The following GPC6 variants were observed in gnomAD, a reference collection of about 807,000 sequenced individuals.
The protein encoded by GPC6 is glypican-6.
GPC6 carries 14 observed loss-of-function variants against 55.2 expected under a neutral mutation model. That is an observed-to-expected ratio of 0.25 (90% CI 0.17 to 0.40). GPC6 has a LOEUF of 0.40. Among genes scored for constraint, GPC6 ranks in the 10% least tolerant of loss-of-function variants. GPC6 has a pLI of 1.00. For synonymous variants in GPC6, 278 were observed against 259.6 expected, an observed-to-expected ratio of 1.07 and a Z score of -0.68; for missense variants, 641 against 708.5, an observed-to-expected ratio of 0.90 and a Z score of 1.08.
chr13:93,843,501 C>T (rs927439942), intron 3 of GPC6, among the ~76,000 whole-genome samples: 1 of 152,134 alleles, frequency 6.6e-6, no homozygotes, highest in African/African-American at 2.4e-5. Context: ...ACAATACCTT[C>T]CATTGGGCCC....
At chr13:94,369,769 C>T (rs1363732787) in intron 6 of GPC6, among the ~76,000 whole-genome samples, 1 of 152,034 alleles carries the variant, frequency 6.6e-6, no homozygotes, top group South Asian at 2.1e-4. Flanking sequence ...TGGGGGTAAT[C>T]GGGTCAAGGA....
intron 2 of GPC6, among the ~76,000 whole-genome samples, chr13:93,664,946 C>G (rs1881075255): frequency 6.6e-6 from 1 of 152,144 alleles, no homozygotes; most frequent in South Asian, 2.1e-4. Context: ...ACAATTTAAA[C>G]AGTTGTTATT....
At chr13:93,925,057 C>G (rs1877781607) in intron 3 of GPC6, among the ~76,000 whole-genome samples, 1 of 152,144 alleles carries the variant, frequency 6.6e-6, no homozygotes. Flanking sequence ...ATTTATTACA[C>G]AAATATTACA....
intron 1 of GPC6, among the ~76,000 whole-genome samples, chr13:93,511,847 A>C (rs1282950667): frequency 6.6e-6 from 1 of 151,768 alleles, no homozygotes; most frequent in Admixed American, 6.6e-5. Context: ...AATTTCTTTC[A>C]CCCAAGTTTT....
chr13:93,402,358 G>C (rs1876123728), intron 1 of GPC6, among the ~76,000 whole-genome samples: 1 of 152,140 alleles, frequency 6.6e-6, no homozygotes, highest in Non-Finnish European at 1.5e-5. Context: ...CTCAGTGTTT[G>C]TAGCACGCCA....
chr13:94,277,179 A>G (rs1892241814), intron 4 of GPC6, among the ~76,000 whole-genome samples: 2 of 152,240 alleles, frequency 1.3e-5, no homozygotes, highest in South Asian at 4.1e-4. Context: ...GCATTTCTAT[A>G]ATGATCAGTG....
intron 1 of GPC6, among the ~76,000 whole-genome samples, chr13:93,242,588 C>G (rs944871837): frequency 2.0e-5 from 3 of 152,158 alleles, no homozygotes; most frequent in Admixed American, 1.3e-4. Flanking sequence ...GAAGTCCCCT[C>G]TACGTCACTT....
chr13:93,359,587 G>A (rs1460182027), intron 1 of GPC6, among the ~76,000 whole-genome samples: 2 of 152,152 alleles, frequency 1.3e-5, no homozygotes, highest in East Asian at 3.8e-4. Flanking sequence ...TTAAAACTGT[G>A]ATTTTTCTGG....
chr13:93,779,228 G>A (rs1002778881), intron 2 of GPC6, among the ~76,000 whole-genome samples: 18 of 152,032 alleles, frequency 1.2e-4, no homozygotes, highest in Admixed American at 1.3e-4. Context: ...TTAGTATTGC[G>A]GCTACCAGTG....
intron 2 of GPC6, among the ~76,000 whole-genome samples, chr13:93,632,800 A>G (rs1259669883): frequency 2.0e-5 from 3 of 151,932 alleles, no homozygotes; most frequent in East Asian, 1.9e-4. Flanking sequence ...TCCAAAACGC[A>G]TGTCAAATTA....
chr13:94,122,401 A>AT (rs1566434494), intron 4 of GPC6, among the ~76,000 whole-genome samples: 1 of 152,070 alleles, frequency 6.6e-6, no homozygotes, highest in Non-Finnish European at 1.5e-5. Flanking sequence ...AACCTCTGAC[A>AT]TTTACTCAAT....
chr13:93,785,643 C>G, intron 2 of GPC6, among the ~76,000 whole-genome samples: 1 of 152,120 alleles, frequency 6.6e-6, no homozygotes, highest in East Asian at 1.9e-4. Context: ...ACTTTATTCA[C>G]TAGACATTTG....
At chr13:93,241,783 A>G (rs1327744006) in intron 1 of GPC6, among the ~76,000 whole-genome samples, 1 of 151,082 alleles carries the variant, frequency 6.6e-6, no homozygotes, top group Non-Finnish European at 1.5e-5. Context: ...ATCTGGATAG[A>G]ATTGTTTCTT....
At chr13:94,384,457 C>T (rs1424299166) in intron 7 of GPC6, among the ~76,000 whole-genome samples, 3 of 152,180 alleles carry the variant, frequency 2.0e-5, no homozygotes, top group African/African-American at 7.2e-5. Flanking sequence ...CCTTGGCTAA[C>T]ATAAAGCCTG....
intron 4 of GPC6, among the ~76,000 whole-genome samples, chr13:94,114,301 A>G (rs1470330612): frequency 6.6e-6 from 1 of 152,112 alleles, no homozygotes; most frequent in African/African-American, 2.4e-5. Flanking sequence ...GGACAAAAAG[A>G]TGTCTTAAAG....
chr13:94,332,317 C>T (rs1018460036), intron 6 of GPC6, among the ~76,000 whole-genome samples: 1 of 152,058 alleles, frequency 6.6e-6, no homozygotes, highest in Admixed American at 6.6e-5. Flanking sequence ...TTAGCCATCA[C>T]CTAATCTTAT....
In GPC6 at chr13:94,404,924, C is replaced by G. The variant is rs1179634123; in HGVS notation, c.*1707C>G. 6.6e-6 allele frequency: 1 copy of G among 152,126 alleles called. No individual in the cohort carries two copies. Among genetic ancestry groups the G allele is most frequent in the Non-Finnish European group, 1.5e-5 (1 of 68,010 alleles). The allele number at this position is 152,126 out of a possible 1,614,324, so 9.4% of individuals were successfully genotyped here. On this transcript the variant is annotated 3_prime_UTR_variant, in exon 9 of 9. Transcript: ENST00000377047. ...AATACAGTTGGCTATCCATATGTTTCTTAGTTTTTATGATGCATCTGGAGT... is the reference window on the plus strand; with the variant it reads ...AATACAGTTGGCTATCCATATGTTTGTTAGTTTTTATGATGCATCTGGAGT...
chr13:94,298,425 C>G (rs909590160), intron 5 of GPC6, among the ~76,000 whole-genome samples: 6 of 152,216 alleles, frequency 3.9e-5, no homozygotes, highest in Non-Finnish European at 8.8e-5. Flanking sequence ...TACAACTGCT[C>G]CAATGTACAG....
At chr13:94,074,524 T>C (rs1403418030) in intron 4 of GPC6, among the ~76,000 whole-genome samples, 3 of 152,324 alleles carry the variant, frequency 2.0e-5, no homozygotes, top group South Asian at 4.2e-4. Flanking sequence ...TTATCACCCT[T>C]GAGTATTTGT....
Sources: gnomAD v4.1 joint callset for allele counts (sites outside exome capture counted in the v4.1 genomes callset) on GRCh38, gnomAD v4.1.1 for gene constraint, MANE v1.5 for transcripts, NCBI Gene and HGNC (gene_info 2026-07-23, HGNC 2026-07-21) for gene names.